Variants in ANLN observed in about 807,000 individuals in gnomAD.
ANLN encodes anillin, actin binding protein.
In ANLN, 59 loss-of-function variants were observed where a neutral mutation model predicts 135.1. The ratio of observed to expected loss-of-function variants is 0.44; its 90% CI spans 0.35 to 0.54. ANLN has a LOEUF of 0.54. ANLN is among the 20% of genes least tolerant of loss of function. ANLN has a pLI of 0.00. For missense variants in ANLN, 1,182 were observed against 1,340.0 expected (o/e 0.88, Z 1.84); for synonymous variants, 406 against 456.4 (o/e 0.89, Z 1.41).
chr7:36,411,083 C>T lies in ANLN; in HGVS notation c.1312C>T (p.Leu438Phe), dbSNP rs1200159610. ...GGAACGTCAAAAAGAACTAGCATGT[C>T]TTCGTGGCCGATTTGACAAGGGCAA... ...KQERQKELACLRGRFDKGNIW... is the reference protein window; with the variant it reads ...KQERQKELACFRGRFDKGNIW... Residue 438 changes from leucine (L) to phenylalanine (F), a missense_variant, in exon 7 of 24, where the codon CTT (leucine) becomes TTT (phenylalanine). Transcript: ENST00000265748. 1 of 1,609,134 alleles carries T rather than the reference C, an allele frequency of 6.2e-7. No individual in the cohort carries two copies. Among genetic ancestry groups the T allele is most frequent in the Non-Finnish European group, 8.5e-7 (1 of 1,179,020 alleles).
intron 2 of ANLN, 138 bp downstream of exon 2, chr7:36,396,557 C>A: frequency 1.3e-6 from 1 of 751,742 alleles, no homozygotes; most frequent in Non-Finnish European, 2.0e-6. Context: ...GAAATAACAG[C>A]CTTCTATTCT....
At chr7:36,435,238 A>G (rs1442885478) in intron 20 of ANLN, among the ~76,000 whole-genome samples, 1 of 152,210 alleles carries the variant, frequency 6.6e-6, no homozygotes, top group Non-Finnish European at 1.5e-5. Context: ...GGACATTTCC[A>G]TCACTCCCAT....
At chr7:36,413,051 C>A (rs981041224) in intron 7 of ANLN, among the ~76,000 whole-genome samples, 14 of 152,254 alleles carry the variant, frequency 9.2e-5, no homozygotes, top group Middle Eastern at 3.4e-3. Context: ...CCACCACTGC[C>A]TATGGGAGTC....
At position 36,427,189 on chromosome 7, in the gene ANLN, G is replaced by GTTT. The variant is rs34986676; in HGVS notation, c.2883+174_2883+176dup. On this transcript the variant is annotated intron_variant, in intron 20 of 23. Transcript: ENST00000265748. ...TTGCTAGGTATGAGTGTACCTAAATGTTTTTTTTTTTTTTTGTCTTGGAAG... is the reference window on the plus strand; with the variant it reads ...TTGCTAGGTATGAGTGTACCTAAATGTTTTTTTTTTTTTTTTTTGTCTTGGAAG... 3.1e-5 allele frequency among the ~76,000 whole-genome samples: 4 copies of GTTT among 128,494 alleles called. 1 individual carries two copies. The highest frequency in any genetic ancestry group is 8.6e-5 in the African/African-American group (3 of 34,986). 84.3% of individuals were successfully genotyped at this position (128,494 alleles called of 152,430 possible). A position where few individuals can be genotyped will look rare whatever the true frequency, so the allele number is the denominator to read the frequency against.
In ANLN at chr7:36,420,152, G is replaced by A. The variant is rs1297436950; in HGVS notation, c.1870-17G>A. The A allele has an allele frequency of 1.2e-6, 2 of 1,609,138 alleles. No homozygotes were observed. The highest frequency in any genetic ancestry group is 1.7e-5 in the Admixed American group (1 of 59,464). ...TCATTTAGGATCAATGTTAATATCT[G>A]ATGCGTTTTCCCACAGAGTTTAGTG... On this transcript the variant is annotated splice_polypyrimidine_tract_variant and intron_variant, in intron 10 of 23. Transcript: ENST00000265748.
chr7:36,437,806 T>G (rs1788608503), intron 20 of ANLN, among the ~76,000 whole-genome samples: 1 of 152,162 alleles, frequency 6.6e-6, no homozygotes, highest in Non-Finnish European at 1.5e-5. Context: ...AGTTTCACTC[T>G]TGCTGCCCAG....
intron 7 of ANLN, among the ~76,000 whole-genome samples, chr7:36,412,683 G>A (rs1203713320): frequency 6.6e-6 from 1 of 152,066 alleles, no homozygotes; most frequent in Non-Finnish European, 1.5e-5. Flanking sequence ...AAATCTTGAA[G>A]TGCTCCTCAT....
At chr7:36,446,124 T>C (rs1158020003) in intron 22 of ANLN, among the ~76,000 whole-genome samples, 1 of 152,200 alleles carries the variant, frequency 6.6e-6, no homozygotes, top group Non-Finnish European at 1.5e-5. Flanking sequence ...AATTTATCTT[T>C]ATAGTGTCTT....
rs1676902828 is a variant in ANLN, at chr7:36,426,017, A to T, written c.2751A>T (p.Lys917Asn). ...CACACCTTTTTTTTTTTTTTTAGAA[A>T]AGCAACATTCATTCTTCAGGTGAGT... Reference protein sequence around the residue: ...PKRLLTSITTKSNIHSSVMAS... With the variant: ...PKRLLTSITTNSNIHSSVMAS... Residue 917 changes from lysine (K) to asparagine (N), a missense_variant and splice_region_variant, in exon 19 of 24, where the codon AAA (lysine) becomes AAT (asparagine). By Grantham distance (94) the Lys-to-Asn change is moderately conservative. Transcript: ENST00000265748. 6.6e-7 allele frequency: 1 copy of T among 1,519,328 alleles called. No homozygotes were observed. The highest frequency in any genetic ancestry group is 8.8e-7 in the Non-Finnish European group (1 of 1,133,530). The allele number at this position is 1,519,328 out of a possible 1,614,324, so 94.1% of individuals were successfully genotyped here.
At chr7:36,428,967 C>T (rs1019669815) in intron 20 of ANLN, among the ~76,000 whole-genome samples, 11 of 151,732 alleles carry the variant, frequency 7.2e-5, no homozygotes, top group African/African-American at 2.7e-4. Flanking sequence ...TTAGTAGAGG[C>T]AGGGTTTCAC....
At chr7:36,438,220 CA>C (rs1284353236) in intron 20 of ANLN, among the ~76,000 whole-genome samples, 1 of 152,130 alleles carries the variant, frequency 6.6e-6, no homozygotes, top group East Asian at 1.9e-4. Flanking sequence ...TTCTCTGCAC[CA>C]TTTTTTGAAA....
chr7:36,408,630 A>T (rs76607948), intron 5 of ANLN, among the ~76,000 whole-genome samples: 1 of 152,162 alleles, frequency 6.6e-6, no homozygotes, highest in Non-Finnish European at 1.5e-5. Flanking sequence ...AGATTATTGT[A>T]AACTATAGTC....
chr7:36,397,162 AAG>A (rs869236666), intron 2 of ANLN, among the ~76,000 whole-genome samples: 55 of 89,704 alleles, frequency 6.1e-4, no homozygotes, highest in South Asian at 2.4e-3. Flanking sequence ...TTTAAAAAAA[AAG>A]AAAGCAGAGA....
intron 1 of ANLN, among the ~76,000 whole-genome samples, chr7:36,391,979 C>T (rs555501599): frequency 7.5e-4 from 113 of 151,656 alleles, no homozygotes; most frequent in African/African-American, 2.6e-3. Context: ...CGCAGTGTCG[C>T]CCAGGTGACA....
chr7:36,422,139 G>T, intron 13 of ANLN, 147 bp downstream of exon 13: 1 of 1,010,554 alleles, frequency 9.9e-7, no homozygotes, highest in Non-Finnish European at 1.4e-6. Flanking sequence ...TTTTTATAAG[G>T]TTTAAGAACT....
At chr7:36,448,399 G>A (rs143187025) in intron 22 of ANLN, among the ~76,000 whole-genome samples, 47 of 152,180 alleles carry the variant, frequency 3.1e-4, no homozygotes, top group African/African-American at 1.0e-3. Context: ...TTAATTATTC[G>A]TTTTCAGGTT....
intron 1 of ANLN, chr7:36,390,329 T>A: frequency 2.0e-6 from 1 of 502,444 alleles, no homozygotes. Context: ...TTTTACCATG[T>A]CCCTCTGCAG....
intron 20 of ANLN, among the ~76,000 whole-genome samples, chr7:36,434,464 C>G (rs778896062): frequency 4.6e-5 from 7 of 152,216 alleles, no homozygotes; most frequent in South Asian, 2.1e-4. Context: ...GAAGGCTCAA[C>G]TGGTTTCTCC....
intron 1 of ANLN, among the ~76,000 whole-genome samples, chr7:36,391,187 T>C (rs1033016358): frequency 2.6e-5 from 4 of 152,212 alleles, no homozygotes; most frequent in Admixed American, 2.0e-4. Flanking sequence ...AAGGTTCTAA[T>C]AGAAAAATCT....
Sources: allele counts gnomAD v4.1 joint callset (sites outside exome capture counted in the v4.1 genomes callset), GRCh38; gene constraint gnomAD v4.1.1; transcripts MANE v1.5; gene names NCBI Gene and HGNC (gene_info 2026-07-23, HGNC 2026-07-21).